ASIC2: variants seen among roughly 807,000 people sequenced by gnomAD.
ASIC2 encodes the protein acid sensing ion channel subunit 2, also known as acid-sensing ion channel 2.
Under a neutral mutation model 57.3 loss-of-function variants are expected in ASIC2, and 25 were observed. That is an observed-to-expected ratio of 0.44 (90% CI 0.32 to 0.61). The LOEUF (loss-of-function observed/expected upper bound fraction) is 0.61, where lower values mean the gene tolerates loss of function less well. Ranked by LOEUF, ASIC2 falls within the 20% of genes least tolerant of loss-of-function variation. ASIC2 has a pLI of 0.06. For synonymous variants in ASIC2, 319 were observed against 307.5 expected, an observed-to-expected ratio of 1.04 and a Z score of -0.39; for missense variants, 641 against 738.1, an observed-to-expected ratio of 0.87 and a Z score of 1.52.
chr17:33,471,812 T>G (rs888121055), intron 1 of ASIC2, among the ~76,000 whole-genome samples: 1 of 152,178 alleles, frequency 6.6e-6, no homozygotes, highest in African/African-American at 2.4e-5. Context: ...ATAACAAATA[T>G]CTATTGAATA....
At chr17:33,345,844 A>C (rs1907921801) in intron 1 of ASIC2, among the ~76,000 whole-genome samples, 1 of 152,180 alleles carries the variant, frequency 6.6e-6, no homozygotes, top group Non-Finnish European at 1.5e-5. Context: ...AAGGCACCAA[A>C]AATGAAAGCC....
At chr17:33,845,457 G>A (rs1231348126) in intron 1 of ASIC2, among the ~76,000 whole-genome samples, 2 of 151,112 alleles carry the variant, frequency 1.3e-5, no homozygotes, top group East Asian at 3.9e-4. Context: ...GAGCAGCCTT[G>A]AATGAAAGAG....
chr17:33,325,092 T>G (rs541198637), intron 1 of ASIC2, among the ~76,000 whole-genome samples: 1 of 152,148 alleles, frequency 6.6e-6, no homozygotes, highest in Non-Finnish European at 1.5e-5. Context: ...GAGTACCTAT[T>G]AGGGTCTGAG....
intron 1 of ASIC2, among the ~76,000 whole-genome samples, chr17:33,861,707 T>A (rs2141924196): frequency 6.6e-6 from 1 of 152,304 alleles, no homozygotes; most frequent in East Asian, 1.9e-4. Context: ...AAAGTAATAA[T>A]TTTCCACAAT....
intron 1 of ASIC2, among the ~76,000 whole-genome samples, chr17:34,095,557 A>C (rs1213012738): frequency 6.7e-6 from 1 of 148,606 alleles, no homozygotes; most frequent in African/African-American, 2.5e-5. Context: ...TGAAAAAATG[A>C]GATTGGTAGG....
chr17:34,049,674 C>T (rs1160432393), intron 1 of ASIC2, among the ~76,000 whole-genome samples: 1 of 152,208 alleles, frequency 6.6e-6, no homozygotes, highest in African/African-American at 2.4e-5. Context: ...TATTTCACAT[C>T]TGCATGATAT....
At chr17:33,543,156 G>T (rs1915473405) in intron 1 of ASIC2, among the ~76,000 whole-genome samples, 1 of 122,326 alleles carries the variant, frequency 8.2e-6, no homozygotes, top group Admixed American at 8.7e-5. Flanking sequence ...GGAGGGGGGA[G>T]GGATAGCATT....
At chr17:33,608,859 T>C (rs1372323798) in intron 1 of ASIC2, among the ~76,000 whole-genome samples, 2 of 152,314 alleles carry the variant, frequency 1.3e-5, no homozygotes, top group African/African-American at 4.8e-5. Flanking sequence ...TCCTTCCAAG[T>C]CTTCTTAATG....
intron 1 of ASIC2, among the ~76,000 whole-genome samples, chr17:34,142,052 G>T (rs1912286314): frequency 6.6e-6 from 1 of 152,160 alleles, no homozygotes; most frequent in Non-Finnish European, 1.5e-5. Flanking sequence ...AGGCCCGGGG[G>T]AATGAAGTAT....
intron 1 of ASIC2, among the ~76,000 whole-genome samples, chr17:33,229,195 G>A (rs1253886350): frequency 1.3e-5 from 2 of 152,156 alleles, no homozygotes; most frequent in Non-Finnish European, 2.9e-5. Context: ...TGAGATGGAG[G>A]AGGGGATAGG....
intron 1 of ASIC2, among the ~76,000 whole-genome samples, chr17:33,113,138 A>G (rs1043597942): frequency 6.6e-6 from 1 of 152,146 alleles, no homozygotes; most frequent in African/African-American, 2.4e-5. Flanking sequence ...TGGTGTAGAA[A>G]AAGCCCAGGG....
intron 1 of ASIC2, among the ~76,000 whole-genome samples, chr17:33,493,202 C>T (rs1211849911): frequency 6.6e-6 from 1 of 152,188 alleles, no homozygotes; most frequent in Non-Finnish European, 1.5e-5. Flanking sequence ...CTGGGCTCAG[C>T]CACACCGAAG....
chr17:34,125,462 A>G (rs1188850626), intron 1 of ASIC2, among the ~76,000 whole-genome samples: 1 of 152,152 alleles, frequency 6.6e-6, no homozygotes, highest in Non-Finnish European at 1.5e-5. Flanking sequence ...AGCCAGTGTA[A>G]TCAGAAAAGT....
At chr17:33,382,523 C>G (rs2141946995) in intron 1 of ASIC2, among the ~76,000 whole-genome samples, 1 of 152,170 alleles carries the variant, frequency 6.6e-6, no homozygotes, top group East Asian at 1.9e-4. Context: ...AGCTTCAGCC[C>G]CATACTATGT....
chr17:33,395,164 C>T (rs898785389), intron 1 of ASIC2, among the ~76,000 whole-genome samples: 1 of 151,848 alleles, frequency 6.6e-6, no homozygotes, highest in Admixed American at 6.6e-5. Flanking sequence ...ACTCACCCAC[C>T]CATTTACCCA....
intron 1 of ASIC2, among the ~76,000 whole-genome samples, chr17:33,236,075 T>C (rs1034851066): frequency 6.6e-6 from 1 of 152,090 alleles, no homozygotes; most frequent in African/African-American, 2.4e-5. Flanking sequence ...GACCACATGA[T>C]CTGCCTGCCT....
At chr17:33,285,562 A>G (rs1905123079) in intron 1 of ASIC2, among the ~76,000 whole-genome samples, 1 of 152,244 alleles carries the variant, frequency 6.6e-6, no homozygotes, top group Admixed American at 6.5e-5. Context: ...AAACAGGAGA[A>G]TCCTGAAACC....
chr17:33,275,045 C>A (rs1032229828), intron 1 of ASIC2, among the ~76,000 whole-genome samples: 1 of 152,298 alleles, frequency 6.6e-6, no homozygotes, highest in South Asian at 2.1e-4. Context: ...GCTCAGGGTA[C>A]CTGGGAGGCC....
intron 1 of ASIC2, among the ~76,000 whole-genome samples, chr17:34,132,102 T>G (rs979607744): frequency 6.6e-6 from 1 of 152,212 alleles, no homozygotes; most frequent in Non-Finnish European, 1.5e-5. Flanking sequence ...ATGTAAAGCC[T>G]GGCTAACCTC....
Sources: gnomAD v4.1 joint callset for allele counts (sites outside exome capture counted in the v4.1 genomes callset) on GRCh38, gnomAD v4.1.1 for gene constraint, MANE v1.5 for transcripts, NCBI Gene and HGNC (gene_info 2026-07-23, HGNC 2026-07-21) for gene names.